SYNE2: variants seen among roughly 807,000 people sequenced by gnomAD.
SYNE2 encodes the protein spectrin repeat containing nuclear envelope protein 2, also known as nesprin-2.
Under a neutral mutation model 856.3 loss-of-function variants are expected in SYNE2, and 431 were observed. The observed-to-expected ratio is 0.50, with a 90% CI of 0.47 to 0.55. The LOEUF is 0.55. Among genes scored for constraint, SYNE2 ranks in the 20% least tolerant of loss-of-function variants. The pLI is 0.00. For synonymous variants in SYNE2, 2,923 were observed against 2,872.3 expected (o/e 1.02, Z -0.56); for missense variants, 8,129 against 8,023.2 (o/e 1.01, Z -0.50).
chr14:64,151,300 G>T (rs1289346192), intron 84 of SYNE2, among the ~76,000 whole-genome samples: 1 of 151,692 alleles, frequency 6.6e-6, no homozygotes, highest in Non-Finnish European at 1.5e-5. Context: ...CCTCTGTGAG[G>T]CTAGCACAAG....
intron 1 of SYNE2, among the ~76,000 whole-genome samples, chr14:63,842,660 A>G (rs1463766002): frequency 6.6e-6 from 1 of 151,798 alleles, no homozygotes; most frequent in Non-Finnish European, 1.5e-5. Flanking sequence ...GGGTTTCACC[A>G]TGTTGGCCAG....
rs71444641 is a variant in SYNE2, at chr14:64,049,429, A to AAATAATAATAATAATAATAAT, written c.7378-172_7378-152dup. ...ACCCTGCACTCCAGCCTGGGTGACAAAATAATAATAATAATAATAATAATA... is the reference window on the plus strand; with the variant it reads ...ACCCTGCACTCCAGCCTGGGTGACAAAATAATAATAATAATAATAATAATAATAATAATAATAATAATAATA... On this transcript the variant is annotated intron_variant, in intron 46 of 115. Coordinates refer to ENST00000555002, the MANE Select transcript of SYNE2 (RefSeq NM_182914.3). 2,736 of 169,636 alleles carry AAATAATAATAATAATAATAAT rather than the reference A, an allele frequency of 0.016. 84 individuals carry two copies. The highest frequency in any genetic ancestry group is 0.066 in the African/African-American group (2,540 of 38,646). 10.5% of individuals were successfully genotyped at this position (169,636 alleles called of 1,614,324 possible).
chr14:63,962,743 T>C (rs1319014160), intron 9 of SYNE2, among the ~76,000 whole-genome samples: 1 of 152,178 alleles, frequency 6.6e-6, no homozygotes, highest in South Asian at 2.1e-4. Flanking sequence ...GGTTTCACCA[T>C]GTTGGCCAGG....
At chr14:63,762,950 C>G (rs1352346360) in intron 1 of SYNE2, among the ~76,000 whole-genome samples, 1 of 152,038 alleles carries the variant, frequency 6.6e-6, no homozygotes, top group Non-Finnish European at 1.5e-5. Flanking sequence ...TAAAATAGAA[C>G]ATAATTTAAA....
intron 1 of SYNE2, among the ~76,000 whole-genome samples, chr14:63,879,899 G>A (rs375362981): frequency 1.1e-4 from 17 of 152,178 alleles, no homozygotes; most frequent in Non-Finnish European, 8.8e-5. Context: ...TCGCAGTTGC[G>A]TAGAAATTAA....
In SYNE2 at chr14:63,949,988, C is replaced by G; in HGVS notation, c.572C>G (p.Ala191Gly). The G allele has an allele frequency of 6.2e-7, 1 of 1,614,086 alleles. No individual in the cohort carries two copies. The highest frequency in any genetic ancestry group is 8.5e-7 in the Non-Finnish European group (1 of 1,180,000). The change falls in exon 7 of 116, where the codon GCT becomes GGT. Residue 191 changes from alanine to glycine, a missense_variant. Physicochemically the swap from Ala to Gly is moderately conservative, Grantham distance 60. Transcript: ENST00000555002. ...MSARKALLLWAQEQCATYESV... is the reference protein window; with the variant it reads ...MSARKALLLWGQEQCATYESV... ...GCAAGAAAGGCCCTTCTTTTGTGGGCTCAGGAACAATGCGCCACGTAAGTA... is the reference window on the plus strand; with the variant it reads ...GCAAGAAAGGCCCTTCTTTTGTGGGGTCAGGAACAATGCGCCACGTAAGTA...
intron 50 of SYNE2, among the ~76,000 whole-genome samples, chr14:64,063,526 AGAGCCTT>A (rs2097333747): frequency 7.2e-5 from 11 of 152,260 alleles, no homozygotes; most frequent in Non-Finnish European, 1.5e-4. Context: ...GATCAGTGAC[AGAGCCTT>A]GTTGTCCACT....
intron 45 of SYNE2, among the ~76,000 whole-genome samples, chr14:64,041,808 C>G (rs2097150501): frequency 6.7e-6 from 1 of 150,030 alleles, no homozygotes; most frequent in South Asian, 2.1e-4. Flanking sequence ...CATGTTCACA[C>G]CACTGCACTC....
rs772946371 is a variant in SYNE2 at position 64,177,458 on chromosome 14, T to C, written c.17531T>C (p.Leu5844Pro). 6.2e-7 allele frequency: 1 copy of C among 1,614,128 alleles called. No homozygotes were observed. Among genetic ancestry groups the C allele is most frequent in the Non-Finnish European group, 8.5e-7 (1 of 1,180,018 alleles). Reference sequence around the variant, plus strand: ...CCTCTTCCAGAGCTTCACGAGGACCTCCATAACGAAAAAGAGCTGATTAAG... The same window carrying C: ...CCTCTTCCAGAGCTTCACGAGGACCCCCATAACGAAAAAGAGCTGATTAAG... The part of the protein sequence containing the change: ...EDPLPELHED[L>P]HNEKELIKEL... Residue 5844 changes from leucine to proline, a missense_variant, in exon 96 of 116, where the codon CTC (leucine) becomes CCC (proline). This residue lies in a region of SYNE2 where 5,410 missense variants were observed against 5,284.8 expected (regional missense o/e 1.02). Transcript: ENST00000555002.
chr14:64,091,636 G>T (rs2097615743), intron 60 of SYNE2, among the ~76,000 whole-genome samples: 1 of 152,134 alleles, frequency 6.6e-6, no homozygotes, highest in South Asian at 2.1e-4. Context: ...TCCCCAGAGG[G>T]GTTTTGTGTT....
rs1412638125 is a variant in SYNE2, at chr14:63,865,712, C to A, written c.-52+12569C>A. Among the ~76,000 whole-genome samples, 15 of 72,808 alleles carry A rather than the reference C, an allele frequency of 2.1e-4. 3 individuals are homozygous for A. Among genetic ancestry groups the A allele is most frequent in the Admixed American group, 4.4e-4 (3 of 6,818 alleles). 47.8% of individuals were successfully genotyped at this position (72,808 alleles called of 152,430 possible). Reference sequence around the variant, plus strand: ...GGGCAACAAGAGCAAAACTCTGTACCCACCCCCCCCCCAAAAAAAAAGAAA... The same window carrying A: ...GGGCAACAAGAGCAAAACTCTGTACACACCCCCCCCCCAAAAAAAAAGAAA... On this transcript the variant is annotated intron_variant, in intron 1 of 115. Coordinates refer to ENST00000555002, the MANE Select transcript of SYNE2 (RefSeq NM_182914.3).
intron 2 of SYNE2, among the ~76,000 whole-genome samples, chr14:63,920,741 C>G (rs1269676139): frequency 6.6e-6 from 1 of 151,540 alleles, no homozygotes; most frequent in African/African-American, 2.4e-5. Flanking sequence ...AATAGGTGTT[C>G]AAGAGATATC....
At chr14:64,210,241 C>A in intron 103 of SYNE2, 117 bp downstream of exon 103, 1 of 1,306,890 alleles carries the variant, frequency 7.7e-7, no homozygotes, top group Non-Finnish European at 1.0e-6. Context: ...CAGGCCTGAG[C>A]TGTTTTAACA....
chr14:63,783,654 A>G (rs1354941452), intron 1 of SYNE2, among the ~76,000 whole-genome samples: 2 of 152,204 alleles, frequency 1.3e-5, no homozygotes, highest in Non-Finnish European at 2.9e-5. Flanking sequence ...CATAAGACAC[A>G]TCCAAATTGA....
intron 57 of SYNE2, among the ~76,000 whole-genome samples, chr14:64,087,153 A>G (rs974585805): frequency 7.0e-6 from 1 of 142,208 alleles, no homozygotes; most frequent in Non-Finnish European, 1.5e-5. Context: ...GTTTTCTCCT[A>G]TAAGGATTTT....
intron 1 of SYNE2, among the ~76,000 whole-genome samples, chr14:63,796,447 ACT>A (rs1158400856): frequency 1.7e-5 from 2 of 117,632 alleles, no homozygotes; most frequent in Non-Finnish European, 3.8e-5. Flanking sequence ...ACAGAGCAAG[ACT>A]CTGCCTCAAA....
chr14:64,104,296 G>A lies in SYNE2; in HGVS notation c.12492+2254G>A, dbSNP rs777667900. On this transcript the variant is annotated intron_variant, in intron 64 of 115. Coordinates refer to ENST00000555002, the MANE Select transcript of SYNE2 (RefSeq NM_182914.3). The stretch of plus-strand genomic sequence containing the variant: ...GACCACCTCTTCCTTCTTTAACTGC[G>A]GTGTTCCTTTAACTTTCTTAATTCT... Among the ~76,000 whole-genome samples, 19 of 151,914 alleles carry A rather than the reference G, an allele frequency of 1.3e-4. No individual in the cohort carries two copies. The South Asian group carries it at 1.7e-3, about 13-fold the overall frequency.
chr14:64,149,930 A>T (rs930318734), intron 84 of SYNE2, among the ~76,000 whole-genome samples: 2 of 151,708 alleles, frequency 1.3e-5, no homozygotes, highest in African/African-American at 4.8e-5. Flanking sequence ...ATTATTCTGC[A>T]GAGCAAAAGA....
chr14:64,019,229 C>T (rs1291830670), intron 34 of SYNE2, among the ~76,000 whole-genome samples: 2 of 150,326 alleles, frequency 1.3e-5, no homozygotes, highest in Non-Finnish European at 2.9e-5. Context: ...GCAGAGATTG[C>T]ACCACTGTAC....
Sources: gnomAD v4.1 joint callset for allele counts (sites outside exome capture counted in the v4.1 genomes callset) on GRCh38, gnomAD v4.1.1 for gene constraint, gnomAD v4.1.1 regional missense constraint, MANE v1.5 for transcripts, NCBI Gene and HGNC (gene_info 2026-07-23, HGNC 2026-07-21) for gene names.